The following CPQ variants were observed in gnomAD, a reference collection of about 807,000 sequenced individuals.
The protein encoded by CPQ is Ser-Met dipeptidase.
In CPQ, 37 loss-of-function variants were observed where a neutral mutation model predicts 45.7. The ratio of observed to expected loss-of-function variants is 0.81; its 90% confidence interval spans 0.62 to 1.07. CPQ has a LOEUF of 1.07. CPQ is among the 50% of genes least tolerant of loss of function. The pLI, the probability that CPQ is intolerant of heterozygous loss-of-function variation, is 0.00. For synonymous variants in CPQ, 186 were observed against 205.8 expected (o/e 0.90, Z 0.82); for missense variants, 537 against 572.9 (o/e 0.94, Z 0.64).
At chr8:96,834,914 C>A in intron 2 of CPQ, 59 bp from the exon 3 acceptor site, 1 of 1,480,920 alleles carries the variant, frequency 6.8e-7, no homozygotes, top group Non-Finnish European at 9.3e-7. Context: ...CTTTCCTGTG[C>A]CAATTCAACC....
intron 4 of CPQ, among the ~76,000 whole-genome samples, chr8:96,900,226 C>T (rs1054296325): frequency 1.3e-5 from 2 of 152,256 alleles, no homozygotes; most frequent in African/African-American, 4.8e-5. Context: ...ACATTTTTGC[C>T]TTGGAATGTG....
At chr8:96,945,996 G>A (rs1813182698) in intron 4 of CPQ, among the ~76,000 whole-genome samples, 1 of 152,150 alleles carries the variant, frequency 6.6e-6, no homozygotes, top group South Asian at 2.1e-4. Context: ...AGAATCCCTG[G>A]GTCATGCTGA....
chr8:96,969,718 G>A (rs1458621120), intron 5 of CPQ, among the ~76,000 whole-genome samples: 1 of 152,132 alleles, frequency 6.6e-6, no homozygotes, highest in Non-Finnish European at 1.5e-5. Context: ...TGGAATTACA[G>A]GAGAGGTTCA....
At chr8:97,130,534 T>C (rs965407441) in intron 7 of CPQ, among the ~76,000 whole-genome samples, 4 of 150,808 alleles carry the variant, frequency 2.7e-5, no homozygotes, top group African/African-American at 9.7e-5. Flanking sequence ...CTGAGAATAA[T>C]CACTGTTTCT....
At chr8:96,875,888 G>C (rs1274458380) in intron 3 of CPQ, among the ~76,000 whole-genome samples, 1 of 151,628 alleles carries the variant, frequency 6.6e-6, no homozygotes, top group Non-Finnish European at 1.5e-5. Flanking sequence ...TCAACTTGAG[G>C]GGCATTGCCA....
At chr8:97,104,340 C>A (rs1342501971) in intron 7 of CPQ, among the ~76,000 whole-genome samples, 2 of 152,058 alleles carry the variant, frequency 1.3e-5, no homozygotes, top group Non-Finnish European at 2.9e-5. Context: ...TTTCTCATGT[C>A]CTTTGGCACT....
At position 97,098,524 on chromosome 8, in the gene CPQ, C is replaced by T. The variant is rs140718423; in HGVS notation, c.1255+32314C>T. ...TGTTTCCAAAAACCTTCTTTGAACA[C>T]CCTAGAATTAATTTTGAGGGATAAG... is the stretch of plus-strand genomic sequence containing the variant. On this transcript the variant is annotated intron_variant, in intron 7 of 7. Coordinates refer to ENST00000220763, the MANE Select transcript of CPQ (RefSeq NM_016134.4). 1.6e-3 allele frequency among the ~76,000 whole-genome samples: 238 copies of T among 152,288 alleles called. 1 individual carries two copies. The highest frequency in any genetic ancestry group is 2.8e-3 in the Admixed American group (43 of 15,298).
chr8:96,841,298 G>A (rs1466576547), intron 3 of CPQ, among the ~76,000 whole-genome samples: 1 of 152,172 alleles, frequency 6.6e-6, no homozygotes. Context: ...CCGCTTTTTA[G>A]ATCACCCAAG....
At chr8:96,813,306 G>C (rs150275066) in intron 2 of CPQ, among the ~76,000 whole-genome samples, 382 of 152,234 alleles carry the variant, frequency 2.5e-3, no homozygotes, top group Non-Finnish European at 4.4e-3. Flanking sequence ...CTTTAACAGA[G>C]ATTAGTACCC....
intron 6 of CPQ, among the ~76,000 whole-genome samples, chr8:97,045,152 T>C (rs1453894153): frequency 6.6e-6 from 1 of 152,220 alleles, no homozygotes; most frequent in Admixed American, 6.5e-5. Flanking sequence ...AGTTCGAGCT[T>C]CCCGGCTGCT....
chr8:97,063,734 A>G (rs113275171), intron 6 of CPQ, among the ~76,000 whole-genome samples: 1 of 151,688 alleles, frequency 6.6e-6, no homozygotes, highest in Admixed American at 6.6e-5. Flanking sequence ...CCGTTTCCCC[A>G]TTGCTTTTTT....
chr8:96,730,026 C>G (rs765985022), intron 1 of CPQ, among the ~76,000 whole-genome samples: 20 of 152,026 alleles, frequency 1.3e-4, no homozygotes, highest in Non-Finnish European at 2.4e-4. Flanking sequence ...GCCAGGACAC[C>G]CTGTACAGGG....
intron 1 of CPQ, among the ~76,000 whole-genome samples, chr8:96,718,191 A>G (rs1809709550): frequency 6.6e-6 from 1 of 152,104 alleles, no homozygotes; most frequent in African/African-American, 2.4e-5. Flanking sequence ...CGTACTTGAG[A>G]TTATATTGTG....
chr8:96,999,002 T>C (rs1454426083), intron 5 of CPQ, among the ~76,000 whole-genome samples: 1 of 152,000 alleles, frequency 6.6e-6, no homozygotes, highest in African/African-American at 2.4e-5. Flanking sequence ...TTCTATCTAC[T>C]AGACATTTTT....
intron 6 of CPQ, among the ~76,000 whole-genome samples, chr8:97,036,448 C>T (rs1229378790): frequency 6.6e-6 from 1 of 152,164 alleles, no homozygotes; most frequent in Non-Finnish European, 1.5e-5. Flanking sequence ...CATGTTATTG[C>T]ACTCTAGTGA....
intron 4 of CPQ, among the ~76,000 whole-genome samples, chr8:96,897,309 A>T (rs1476463161): frequency 6.6e-6 from 1 of 152,184 alleles, no homozygotes; most frequent in Admixed American, 6.6e-5. Context: ...CCACAAACTC[A>T]ACCTCTATGC....
chr8:96,779,092 T>G (rs889650861), intron 1 of CPQ, among the ~76,000 whole-genome samples: 2 of 151,630 alleles, frequency 1.3e-5, no homozygotes, highest in Admixed American at 1.3e-4. Context: ...GCATGTTATT[T>G]ATTAATACGA....
chr8:97,045,697 A>T (rs764297796), intron 6 of CPQ, among the ~76,000 whole-genome samples: 6 of 152,202 alleles, frequency 3.9e-5, no homozygotes, highest in Admixed American at 6.5e-5. Context: ...TGACCCAAAG[A>T]TCATTAGGTC....
Position 96,903,616 on chromosome 8 carries a change from G to A in CPQ, c.849+23611G>A, listed in dbSNP as rs1812540278. On this transcript the variant is annotated intron_variant, in intron 4 of 7. Coordinates refer to ENST00000220763, the MANE Select transcript of CPQ (RefSeq NM_016134.4). Reference sequence around the variant, plus strand: ...AAATATATGTCTGAGACCATGCTAAGTGCTTTATGTATATTTTCTCATTTA... The same window carrying A: ...AAATATATGTCTGAGACCATGCTAAATGCTTTATGTATATTTTCTCATTTA... Among the ~76,000 whole-genome samples, 3 of 152,166 alleles carry A rather than the reference G, an allele frequency of 2.0e-5. No individual in the cohort carries two copies. In the South Asian group the frequency reaches 6.2e-4, roughly 31 times the overall value.
Sources: allele counts gnomAD v4.1 joint callset (sites outside exome capture counted in the v4.1 genomes callset), GRCh38; gene constraint gnomAD v4.1.1; transcripts MANE v1.5; gene names NCBI Gene and HGNC (gene_info 2026-07-23, HGNC 2026-07-21).